The following AKAP19 variants were observed in gnomAD, a reference collection of about 807,000 sequenced individuals.
AKAP19 encodes the protein A-kinase anchoring protein 19.
chr2:190,048,314 G>A, the AKAP19 span, among the ~76,000 whole-genome samples: 15 of 152,148 alleles, frequency 9.9e-5, no homozygotes, highest in Non-Finnish European at 1.8e-4. Flanking sequence ...TCCTCTTTGA[G>A]CTAAATAATT....
the AKAP19 span, among the ~76,000 whole-genome samples, chr2:190,019,469 G>A: frequency 2.0e-5 from 3 of 152,234 alleles, no homozygotes; most frequent in East Asian, 1.9e-4. Context: ...CCCACCACTT[G>A]TGGGAACAAC....
At chr2:190,021,752 C>A in the AKAP19 span, among the ~76,000 whole-genome samples, 2 of 152,230 alleles carry the variant, frequency 1.3e-5, no homozygotes, top group Non-Finnish European at 2.9e-5. Flanking sequence ...GTCAGATCTG[C>A]ATGATAATCT....
At chr2:189,953,928 C>A in the AKAP19 span, among the ~76,000 whole-genome samples, 1 of 152,042 alleles carries the variant, frequency 6.6e-6, no homozygotes. Context: ...ATGAATGAAG[C>A]CTGCAAGGGT....
the AKAP19 span, among the ~76,000 whole-genome samples, chr2:190,194,874 G>A: frequency 1.3e-5 from 2 of 152,084 alleles, no homozygotes; most frequent in South Asian, 2.1e-4. Context: ...ATTTTTTGAG[G>A]TGGGGTCTTG....
the AKAP19 span, among the ~76,000 whole-genome samples, chr2:189,988,549 C>T: frequency 6.6e-6 from 1 of 152,188 alleles, no homozygotes; most frequent in East Asian, 1.9e-4. Flanking sequence ...TATGAGAAGC[C>T]TCATATGGAC....
the AKAP19 span, among the ~76,000 whole-genome samples, chr2:189,995,189 T>C: frequency 3.3e-5 from 5 of 152,210 alleles, no homozygotes; most frequent in Non-Finnish European, 7.3e-5. Context: ...TTGACTTCTG[T>C]CTTGATGACC....
chr2:189,905,566 A>C, the AKAP19 span, among the ~76,000 whole-genome samples: 3 of 152,040 alleles, frequency 2.0e-5, no homozygotes, highest in Non-Finnish European at 4.4e-5. Flanking sequence ...TCTATAGATT[A>C]CCTTGAATTC....
the AKAP19 span, among the ~76,000 whole-genome samples, chr2:190,108,788 T>G: frequency 6.6e-6 from 1 of 151,028 alleles, no homozygotes; most frequent in Non-Finnish European, 1.5e-5. Context: ...TTGCGGTTTT[T>G]TTTTTTTTTT....
the AKAP19 span, among the ~76,000 whole-genome samples, chr2:190,006,601 T>C: frequency 1.4e-5 from 2 of 143,934 alleles, no homozygotes; most frequent in South Asian, 2.2e-4. Context: ...ATCATGCCAC[T>C]GCACTACCGC....
At chr2:190,153,146 C>T in the AKAP19 span, among the ~76,000 whole-genome samples, 2 of 152,176 alleles carry the variant, frequency 1.3e-5, no homozygotes, top group Non-Finnish European at 2.9e-5. Context: ...CTGCCCACCT[C>T]GGCCTCCCAA....
At chr2:190,135,598 G>T in the AKAP19 span, among the ~76,000 whole-genome samples, 1 of 100,496 alleles carries the variant, frequency 1.0e-5, no homozygotes, top group Non-Finnish European at 2.3e-5. Flanking sequence ...TCTGAAACCA[G>T]TGTTGTCTTG....
chr2:190,011,879 T>A, the AKAP19 span, among the ~76,000 whole-genome samples: 1 of 152,212 alleles, frequency 6.6e-6, no homozygotes, highest in Admixed American at 6.5e-5. Flanking sequence ...TCTCTAGATT[T>A]GTTCTTTTTG....
the AKAP19 span, among the ~76,000 whole-genome samples, chr2:190,017,493 C>T: frequency 6.6e-6 from 1 of 152,104 alleles, no homozygotes; most frequent in Admixed American, 6.6e-5. Flanking sequence ...ATATAACAGG[C>T]TATTTCAAGC....
chr2:190,119,941 C>T, the AKAP19 span, among the ~76,000 whole-genome samples: 1 of 152,184 alleles, frequency 6.6e-6, no homozygotes, highest in African/African-American at 2.4e-5. Flanking sequence ...ATGTGAAAGA[C>T]CCTGGATATA....
chr2:190,081,361 T>G, the AKAP19 span, among the ~76,000 whole-genome samples: 6 of 152,106 alleles, frequency 3.9e-5, no homozygotes, highest in African/African-American at 1.2e-4. Context: ...ACCCATGCCT[T>G]TCCTCTCCTC....
At chr2:189,983,077 A>C in the AKAP19 span, among the ~76,000 whole-genome samples, 3 of 152,166 alleles carry the variant, frequency 2.0e-5, no homozygotes, top group African/African-American at 7.2e-5. Flanking sequence ...GGGTGGAAAG[A>C]TATCATGTTG....
At chr2:190,088,711 T>A in the AKAP19 span, among the ~76,000 whole-genome samples, 2 of 152,204 alleles carry the variant, frequency 1.3e-5, no homozygotes, top group Admixed American at 6.5e-5. Flanking sequence ...TATTTTAAAA[T>A]CAGTGTAAGA....
At chr2:189,931,205 G>GT in the AKAP19 span, among the ~76,000 whole-genome samples, 246 of 118,050 alleles carry the variant, frequency 2.1e-3, no homozygotes, top group African/African-American at 6.4e-3. Context: ...TGAAATGGTG[G>GT]TTTTTTTTCT....
chr2:190,022,415 A>C, the AKAP19 span, among the ~76,000 whole-genome samples: 1 of 152,204 alleles, frequency 6.6e-6, no homozygotes, highest in Non-Finnish European at 1.5e-5. Flanking sequence ...CCAGGAGTAA[A>C]TGAACCAGTG....
Sources: gnomAD v4.1 joint callset for allele counts (sites outside exome capture counted in the v4.1 genomes callset) on GRCh38, gnomAD v4.1.1 for gene constraint, MANE v1.5 for transcripts, NCBI Gene and HGNC (gene_info 2026-07-23, HGNC 2026-07-21) for gene names.